The following PHRF1 variants were observed in gnomAD, a reference collection of about 807,000 sequenced individuals.
The protein encoded by PHRF1 is PHD and RING finger domain-containing protein 1.
In PHRF1, 53 loss-of-function variants were observed where a neutral mutation model predicts 128.9. That is an observed-to-expected ratio of 0.41 (90% CI 0.33 to 0.52). PHRF1 has a LOEUF of 0.52. PHRF1 is among the 20% of genes least tolerant of loss of function. The probability of loss-of-function intolerance (pLI) is 0.21; values close to 1 mark genes in which losing one functional copy is unlikely to be tolerated. For missense variants in PHRF1, 2,503 were observed against 2,284.5 expected, an observed-to-expected ratio of 1.10 and a Z score of -1.95; for synonymous variants, 1,178 against 980.6, an observed-to-expected ratio of 1.20 and a Z score of -3.76.
At position 597,253 on chromosome 11, in the gene PHRF1, C is replaced by T; in HGVS notation, c.719-142C>T. 5.5e-6 allele frequency: 6 copies of T among 1,096,902 alleles called. No individual in the cohort carries two copies. The highest frequency in any genetic ancestry group is 7.7e-6 in the Non-Finnish European group (6 of 780,706). The allele number at this position is 1,096,902 out of a possible 1,614,324, so 67.9% of individuals were successfully genotyped here. On this transcript the variant is annotated intron_variant, in intron 7 of 17. Transcript: ENST00000264555. The surrounding 1 kb of genome is among the most constrained non-coding windows in gnomAD (Gnocchi z 6.5). ...TTCCGGTCCTCAGTGTTAGGAGCAC[C>T]AGGCTCCATGAGCAGCCCTGGGTCC...
chr11:596,878 G>T (rs367680854), intron 6 of PHRF1, 45 bp from the exon 7 acceptor site: 3 of 1,570,154 alleles, frequency 1.9e-6, no homozygotes, highest in African/African-American at 2.7e-5. Context: ...GTTTGGGAAA[G>T]CTGTGAGCAG....
intron 4 of PHRF1, among the ~76,000 whole-genome samples, chr11:589,196 T>C: frequency 6.6e-6 from 1 of 152,120 alleles, no homozygotes; most frequent in Non-Finnish European, 1.5e-5. Flanking sequence ...GCGAGATTAT[T>C]GGATACGAGG....
intron 6 of PHRF1, among the ~76,000 whole-genome samples, chr11:593,178 G>A (rs977564995): frequency 6.6e-6 from 1 of 152,236 alleles, no homozygotes. Context: ...TGTGACACTT[G>A]TCTCCTCATC....
rs748151600 is a variant in PHRF1, at chr11:608,502, CGG to C, written c.3047_3048del (p.Arg1016HisfsTer8). The part of the protein sequence containing the change: ...KRKRVSREHG[R>X]TRSGTRSESR... ...GAAGAGGGTGTCCAGGGAGCACGGA[CGG>C]ACGCGCTCTGGGACGCGCTCTGAAT... On this transcript the variant is annotated frameshift_variant, in exon 14 of 18. Coordinates refer to ENST00000264555, the MANE Select transcript of PHRF1 (RefSeq NM_001286581.2). LOFTEE classifies it high-confidence loss of function. The C allele has an allele frequency of 1.2e-6, 2 of 1,611,816 alleles. No homozygotes were observed. Among genetic ancestry groups the C allele is most frequent in the Non-Finnish European group, 1.7e-6 (2 of 1,179,782 alleles).
Position 591,464 on chromosome 11 carries a change from AAAGGT to A in PHRF1, c.502_504+2del. On this transcript the variant is annotated splice_donor_variant and coding_sequence_variant, in exon 5 of 18. Coordinates refer to ENST00000264555, the MANE Select transcript of PHRF1 (RefSeq NM_001286581.2). LOFTEE classifies it high-confidence loss of function. The stretch of plus-strand genomic sequence containing the variant: ...CTCAATTTGGTGGTAAAATCTTAAG[AAAGGT>A]GAGTGTGGACGCTGCCGTGGAGGCC... The A allele has an allele frequency of 1.9e-6, 3 of 1,607,896 alleles. No individual in the cohort carries two copies. Among genetic ancestry groups the A allele is most frequent in the African/African-American group, 1.3e-5 (1 of 74,654 alleles).
chr11:581,111 ATTT>A (rs111447606), intron 1 of PHRF1, among the ~76,000 whole-genome samples: 1 of 143,918 alleles, frequency 6.9e-6, no homozygotes, highest in Non-Finnish European at 1.5e-5. Flanking sequence ...GGCGTGACCA[ATTT>A]TTTTTTTTTT....
At position 601,571 on chromosome 11, in the gene PHRF1, T is replaced by C. The variant is rs1187973956; in HGVS notation, c.1025-3T>C. On this transcript the variant is annotated splice_region_variant and splice_polypyrimidine_tract_variant and intron_variant, in intron 9 of 17. Transcript: ENST00000264555. ...AGCACAGACTTCAACCTCTTTTCCTTAGGAAGACGGAAGAAAGTGCCGGGA... is the reference window on the plus strand; with the variant it reads ...AGCACAGACTTCAACCTCTTTTCCTCAGGAAGACGGAAGAAAGTGCCGGGA... The C allele has an allele frequency of 6.2e-7, 1 of 1,613,538 alleles. No homozygotes were observed. Among genetic ancestry groups the C allele is most frequent in the Admixed American group, 1.7e-5 (1 of 59,986 alleles).
chr11:587,512 C>G, intron 4 of PHRF1, 48 bp downstream of exon 4: 1 of 1,585,876 alleles, frequency 6.3e-7, no homozygotes, highest in Middle Eastern at 2.2e-4. Context: ...GATGGCCTCC[C>G]TGTTTATAGG....
chr11:607,500 A>G lies in PHRF1; in HGVS notation c.2044A>G (p.Ile682Val), dbSNP rs368485876. Residue 682 changes from isoleucine to valine, a missense_variant, in exon 14 of 18, where the codon ATA (isoleucine) becomes GTA (valine). Transcript: ENST00000264555. Reference sequence around the variant, plus strand: ...AACAGACATCTCTGAGCTACCCAGGATACCAAAGATCAGGAGAGATGACGG... The same window carrying G: ...AACAGACATCTCTGAGCTACCCAGGGTACCAAAGATCAGGAGAGATGACGG... ...RRTDISELPR[I>V]PKIRRDDGGG... 1.2e-6 allele frequency: 2 copies of G among 1,612,820 alleles called. No homozygotes were observed. The highest frequency in any genetic ancestry group is 1.7e-6 in the Non-Finnish European group (2 of 1,179,884).
rs1854231711 is a variant in PHRF1, at chr11:581,980, G to C, written c.113G>C (p.Ser38Thr). Reference sequence around the variant, plus strand: ...TGTCTAGAAGAAAGCAGCGTGGGCAGCAGTGGGGACTCTGGGGACGACAGT... The same window carrying C: ...TGTCTAGAAGAAAGCAGCGTGGGCACCAGTGGGGACTCTGGGGACGACAGT... ...AGDFEESSVG[S>T]SGDSGDDSDS... The change falls in exon 3 of 18, where the codon AGC becomes ACC. Residue 38 changes from serine to threonine, a missense_variant. Ser to Thr is a moderately conservative substitution (Grantham distance 58). Coordinates refer to ENST00000264555, the MANE Select transcript of PHRF1 (RefSeq NM_001286581.2). 6.2e-7 allele frequency: 1 copy of C among 1,604,332 alleles called. No homozygotes were observed. Among genetic ancestry groups the C allele is most frequent in the African/African-American group, 1.3e-5 (1 of 74,808 alleles).
intron 12 of PHRF1, among the ~76,000 whole-genome samples, chr11:606,230 G>C (rs1470452407): frequency 1.3e-5 from 2 of 151,886 alleles, no homozygotes; most frequent in African/African-American, 4.9e-5. Context: ...CCTGGGGCCA[G>C]AGCTGCGAGG....
At position 606,428 on chromosome 11, in the gene PHRF1, G is replaced by T. The variant is rs755743045; in HGVS notation, c.1455-14G>T. ...GGAGGCAGTGACGGCAGGGCCTTGG[G>T]TCTGTGCCCACAGGAGGCGCCTCCC... On this transcript the variant is annotated splice_polypyrimidine_tract_variant and intron_variant, in intron 12 of 17. Coordinates refer to ENST00000264555, the MANE Select transcript of PHRF1 (RefSeq NM_001286581.2). 30 of 1,538,990 alleles carry T rather than the reference G, an allele frequency of 1.9e-5. No homozygotes were observed. The highest frequency in any genetic ancestry group is 2.5e-5 in the Non-Finnish European group (29 of 1,147,944).
At chr11:596,397 T>G (rs747501099) in intron 6 of PHRF1, among the ~76,000 whole-genome samples, 2 of 152,136 alleles carry the variant, frequency 1.3e-5, no homozygotes, top group Non-Finnish European at 2.9e-5. Context: ...AGGTGCAATG[T>G]TTGAAAACCC....
chr11:608,455 G>A lies in PHRF1; in HGVS notation c.2999G>A (p.Arg1000His), dbSNP rs373355887. Residue 1000 changes from arginine to histidine, a missense_variant, in exon 14 of 18, where the codon CGC becomes CAC. By Grantham distance (29) the Arg-to-His change is conservative. Coordinates refer to ENST00000264555, the MANE Select transcript of PHRF1 (RefSeq NM_001286581.2). ...CGGTCCCGCTCCACATCCAGCTCCC[G>A]CAGCAGGAAGAAGGCCAAGAGGAAG... ...PSRSRSTSSS[R>H]SRKKAKRKRV... 3.8e-5 allele frequency: 62 copies of A among 1,612,124 alleles called. No individual in the cohort carries two copies. The highest frequency in any genetic ancestry group is 1.0e-4 in the Admixed American group (6 of 59,972).
intron 3 of PHRF1, among the ~76,000 whole-genome samples, chr11:582,727 C>T (rs61877829): frequency 0.22 from 32,805 of 151,204 alleles, 3,707 homozygotes; most frequent in African/African-American, 0.26. Context: ...GGTTTCACCG[C>T]GTTAGCCAGG....
At chr11:579,254 C>CTCCCCCCAGCCCTGCTTT (rs58860894) in intron 1 of PHRF1, among the ~76,000 whole-genome samples, 41,752 of 149,112 alleles carry the variant, frequency 0.28, 6,455 homozygotes, top group African/African-American at 0.4. Context: ...AGCCCTGCTC[C>CTCCCCCCAGCCCTGCTTT]TCCCCCCAGC....
Position 596,941 on chromosome 11 carries a change from G to A in PHRF1, c.639G>A (p.Leu213=), listed in dbSNP as rs368433431. ...CCTGTAGGTACCACATGGAATGCTT[G>A]GACCCCCCTCTCCAGGAGGTGCCGG... The part of the protein sequence containing the change: ...GCDAGYHMEC[L]DPPLQEVPVD... The change falls in exon 7 of 18, where the codon TTG becomes TTA. Residue 213 remains leucine (L), a synonymous_variant. Transcript: ENST00000264555. 2 of 1,613,734 alleles carry A rather than the reference G, an allele frequency of 1.2e-6. No individual in the cohort carries two copies. Among genetic ancestry groups the A allele is most frequent in the Non-Finnish European group, 1.7e-6 (2 of 1,179,872 alleles).
chr11:603,625 A>G (rs938636573), intron 10 of PHRF1, among the ~76,000 whole-genome samples: 5 of 152,030 alleles, frequency 3.3e-5, no homozygotes, highest in Admixed American at 2.0e-4. Flanking sequence ...GTGAGCGCCA[A>G]GTCTGCTGCA....
chr11:611,941 G>A lies in PHRF1; in HGVS notation c.*164G>A, dbSNP rs1206403350. ...TCACCATGCCTGCCGTCGGGTTCCTGCGCTGACACCTGGTCTGTGCACCTG... is the reference window on the plus strand; with the variant it reads ...TCACCATGCCTGCCGTCGGGTTCCTACGCTGACACCTGGTCTGTGCACCTG... On this transcript the variant is annotated 3_prime_UTR_variant, in exon 18 of 18. Coordinates refer to ENST00000264555, the MANE Select transcript of PHRF1 (RefSeq NM_001286581.2). 8.7e-7 allele frequency: 1 copy of A among 1,150,288 alleles called. No individual in the cohort carries two copies. Among genetic ancestry groups the A allele is most frequent in the African/African-American group, 1.6e-5 (1 of 64,230 alleles). 71.3% of individuals were successfully genotyped at this position (1,150,288 alleles called of 1,614,324 possible).
Sources: gnomAD v4.1 joint callset for allele counts (sites outside exome capture counted in the v4.1 genomes callset) on GRCh38, gnomAD v4.1.1 for gene constraint, Gnocchi (gnomAD v3.1) non-coding constraint, MANE v1.5 for transcripts, NCBI Gene and HGNC (gene_info 2026-07-23, HGNC 2026-07-21) for gene names.